The following FAM76B variants were observed in gnomAD, a reference collection of about 807,000 sequenced individuals.
FAM76B encodes protein FAM76B.
FAM76B carries 16 observed loss-of-function variants against 51.8 expected under a neutral mutation model. The ratio of observed to expected loss-of-function variants is 0.31; its 90% CI spans 0.21 to 0.47. The LOEUF (loss-of-function observed/expected upper bound fraction) is 0.47, where lower values mean the gene tolerates loss of function less well. Among genes scored for constraint, FAM76B ranks in the 20% least tolerant of loss-of-function variants. The pLI is 1.00. For missense variants in FAM76B, 342 were observed against 392.6 expected, an observed-to-expected ratio of 0.87 and a Z score of 1.09; for synonymous variants, 166 against 129.5, an observed-to-expected ratio of 1.28 and a Z score of -1.91.
Position 95,770,903 on chromosome 11 carries a change from C to T in FAM76B, c.*658G>A, listed in dbSNP as rs1859736193. 6.6e-6 allele frequency: 1 copy of T among 151,656 alleles called. No individual in the cohort carries two copies. Among genetic ancestry groups the T allele is most frequent in the Admixed American group, 6.6e-5 (1 of 15,144 alleles). 9.4% of individuals were successfully genotyped at this position (151,656 alleles called of 1,614,324 possible). On this transcript the variant is annotated 3_prime_UTR_variant, in exon 10 of 10. Transcript: ENST00000358780. The stretch of plus-strand genomic sequence containing the variant: ...AAAGGCACTTGTAAGTAAAAATCTA[C>T]AGTAGTTTTTACAAAACAGAAACAC...
rs1019069940 is a variant in FAM76B, at chr11:95,788,575, C to A, written c.88-12G>T. 6.2e-7 allele frequency: 1 copy of A among 1,606,536 alleles called. No individual in the cohort carries two copies. Among genetic ancestry groups the A allele is most frequent in the Non-Finnish European group, 8.5e-7 (1 of 1,174,914 alleles). ...GCAATCCGACATTCCTGTAATAAGA[C>A]AATACATTAGTCAGTATCTTTCTGA... On this transcript the variant is annotated splice_polypyrimidine_tract_variant and intron_variant, in intron 1 of 9. Transcript: ENST00000358780.
Position 95,770,772 on chromosome 11 carries a change from T to G in FAM76B, c.*789A>C, listed in dbSNP as rs927672317. 4 of 151,794 alleles carry G rather than the reference T, an allele frequency of 2.6e-5. No individual in the cohort carries two copies. Among genetic ancestry groups the G allele is most frequent in the African/African-American group, 9.7e-5 (4 of 41,368 alleles). The allele number at this position is 151,794 out of a possible 1,614,324, so 9.4% of individuals were successfully genotyped here. ...ACTTTGATTTCCTTTTGAAATAGGC[T>G]TCTGTACATATGCATTTATATACAA... On this transcript the variant is annotated 3_prime_UTR_variant, in exon 10 of 10. Coordinates refer to ENST00000358780, the MANE Select transcript of FAM76B (RefSeq NM_144664.5).
At chr11:95,783,402 T>A (rs1312791676) in intron 4 of FAM76B, 138 bp from the exon 5 acceptor site, 2 of 638,020 alleles carry the variant, frequency 3.1e-6, no homozygotes, top group East Asian at 5.6e-5. Flanking sequence ...ATTCACGGAT[T>A]TTCTGCAAAA....
In FAM76B at chr11:95,788,577, ATACAT is replaced by A; in HGVS notation, c.88-19_88-15del. The A allele has an allele frequency of 6.2e-7, 1 of 1,606,726 alleles. No individual in the cohort carries two copies. The highest frequency in any genetic ancestry group is 1.3e-5 in the African/African-American group (1 of 74,860). On this transcript the variant is annotated splice_polypyrimidine_tract_variant and intron_variant, in intron 1 of 9. Transcript: ENST00000358780. Reference sequence around the variant, plus strand: ...AATCCGACATTCCTGTAATAAGACAATACATTAGTCAGTATCTTTCTGAAAGTCCC... The same window carrying A: ...AATCCGACATTCCTGTAATAAGACAATAGTCAGTATCTTTCTGAAAGTCCC...
intron 9 of FAM76B, 41 bp downstream of exon 9, chr11:95,775,881 G>A: frequency 7.3e-7 from 1 of 1,362,036 alleles, no homozygotes; most frequent in Non-Finnish European, 1.0e-6. Flanking sequence ...CTCAAGTTTA[G>A]CCCTTCTTGC....
chr11:95,779,617 T>C lies in FAM76B; in HGVS notation c.682A>G (p.Asn228Asp). Residue 228 changes from asparagine (N) to aspartate (D), a missense_variant, in exon 7 of 10, where the codon AAT (asparagine) becomes GAT (aspartate). This residue lies in a region of FAM76B where 230 missense variants were observed against 257.4 expected (regional missense o/e 0.89). Coordinates refer to ENST00000358780, the MANE Select transcript of FAM76B (RefSeq NM_144664.5). The part of the protein sequence containing the change: ...KKPKLESKPS[N>D]GDSSSINQSA... Reference sequence around the variant, plus strand: ...AGAATTCATTTTTACCTATCTCCATTAGATGGCTTAGATTCCAATTTGGGC... The same window carrying C: ...AGAATTCATTTTTACCTATCTCCATCAGATGGCTTAGATTCCAATTTGGGC... 2 of 1,609,258 alleles carry C rather than the reference T, an allele frequency of 1.2e-6. No homozygotes were observed. Among genetic ancestry groups the C allele is most frequent in the Non-Finnish European group, 1.7e-6 (2 of 1,177,498 alleles).
chr11:95,787,881 T>C (rs1460768366), intron 2 of FAM76B, among the ~76,000 whole-genome samples: 2 of 152,248 alleles, frequency 1.3e-5, no homozygotes, highest in Non-Finnish European at 2.9e-5. Flanking sequence ...TTTTATTGCA[T>C]ATTACTTTTT....
At chr11:95,776,654 G>GA (rs964668000) in intron 8 of FAM76B, among the ~76,000 whole-genome samples, 31 of 151,140 alleles carry the variant, frequency 2.1e-4, no homozygotes, top group African/African-American at 7.2e-4. Context: ...ACAAATACAA[G>GA]AAAAAAATCA....
At position 95,770,209 on chromosome 11, in the gene FAM76B, C is replaced by T. The variant is rs1433456121; in HGVS notation, c.*1352G>A. On this transcript the variant is annotated 3_prime_UTR_variant, in exon 10 of 10. Coordinates refer to ENST00000358780, the MANE Select transcript of FAM76B (RefSeq NM_144664.5). ...GATAAATTCTATTTCAGGCTGAAAA[C>T]CGCTGGATCAGAATATAGTCAATAA... is the stretch of plus-strand genomic sequence containing the variant. 3 of 151,744 alleles carry T rather than the reference C, an allele frequency of 2.0e-5. No individual in the cohort carries two copies. The East Asian group carries it at 5.8e-4, about 29-fold the overall frequency. 9.4% of individuals were successfully genotyped at this position (151,744 alleles called of 1,614,324 possible).
chr11:95,784,280 C>T (rs867408445), intron 4 of FAM76B, among the ~76,000 whole-genome samples: 1 of 151,844 alleles, frequency 6.6e-6, no homozygotes, highest in Non-Finnish European at 1.5e-5. Context: ...CACATTAGGG[C>T]CTATCAGATG....
At chr11:95,780,021 TATA>T (rs953580764) in intron 5 of FAM76B, 95 bp from the exon 6 acceptor site, 4 of 1,167,484 alleles carry the variant, frequency 3.4e-6, no homozygotes, top group African/African-American at 3.2e-5. Context: ...ATTTTATGTT[TATA>T]ATATTTTCTT....
At chr11:95,779,761 C>A in intron 6 of FAM76B, 74 bp from the exon 7 acceptor site, 4 of 1,564,150 alleles carry the variant, frequency 2.6e-6, no homozygotes, top group Non-Finnish European at 3.5e-6. Flanking sequence ...ATTCATCTTC[C>A]CCTAAAATAT....
At chr11:95,783,338 C>T (rs1860377940) in intron 4 of FAM76B, 74 bp from the exon 5 acceptor site, 1 of 1,291,738 alleles carries the variant, frequency 7.7e-7, no homozygotes, top group East Asian at 2.3e-5. Context: ...AGATAAACCA[C>T]TCAACTTCCA....
At position 95,778,952 on chromosome 11, in the gene FAM76B, G is replaced by C. The variant is rs759928240; in HGVS notation, c.698C>G (p.Ser233Cys). 2 of 1,606,476 alleles carry C rather than the reference G, an allele frequency of 1.2e-6. No individual in the cohort carries two copies. Among genetic ancestry groups the C allele is most frequent in the Non-Finnish European group, 1.7e-6 (2 of 1,176,700 alleles). ...ESKPSNGDSS[S>C]INQSADSGGT... ...CCCACTATCTGCTGACTGATTTATA[G>C]AGCTACTAAAAAGAAAAAAGTAAAA... Residue 233 changes from serine to cysteine, a missense_variant, in exon 8 of 10, where the codon TCT (serine) becomes TGT (cysteine). Ser to Cys is a moderately radical substitution (Grantham distance 112). Transcript: ENST00000358780.
At chr11:95,788,950 G>C (rs1158525811) in intron 1 of FAM76B, 1 of 1,346,506 alleles carries the variant, frequency 7.4e-7, no homozygotes, top group Admixed American at 2.2e-5. Flanking sequence ...TCGCTTTCCT[G>C]GACAGGGAAG....
At position 95,770,076 on chromosome 11, in the gene FAM76B, C is replaced by G. The variant is rs1487588845; in HGVS notation, c.*1485G>C. ...AATTTAGTAACAGTTTTACATGAAGCAAATTTATCTTTGCCCATAAATTAT... is the reference window on the plus strand; with the variant it reads ...AATTTAGTAACAGTTTTACATGAAGGAAATTTATCTTTGCCCATAAATTAT... On this transcript the variant is annotated 3_prime_UTR_variant, in exon 10 of 10. Coordinates refer to ENST00000358780, the MANE Select transcript of FAM76B (RefSeq NM_144664.5). 6.6e-6 allele frequency: 1 copy of G among 151,450 alleles called. No homozygotes were observed. The highest frequency in any genetic ancestry group is 6.6e-5 in the Admixed American group (1 of 15,162). The allele number at this position is 151,450 out of a possible 1,614,324, so 9.4% of individuals were successfully genotyped here. A position where few individuals can be genotyped will look rare whatever the true frequency, so the allele number is the denominator to read the frequency against.
rs1860881835 is a variant in FAM76B at position 95,789,593 on chromosome 11, C to T, written c.-115G>A. On this transcript the variant is annotated 5_prime_UTR_variant, in exon 1 of 10. Coordinates refer to ENST00000358780, the MANE Select transcript of FAM76B (RefSeq NM_144664.5). ...CTCCTCCTCCTCCCCCTCCCCCTGCCTCGCGCCCACCAGGGCCTCGCCGCG... is the reference window on the plus strand; with the variant it reads ...CTCCTCCTCCTCCCCCTCCCCCTGCTTCGCGCCCACCAGGGCCTCGCCGCG... 1 of 883,354 alleles carries T rather than the reference C, an allele frequency of 1.1e-6. No homozygotes were observed. Among genetic ancestry groups the T allele is most frequent in the Non-Finnish European group, 1.7e-6 (1 of 599,498 alleles). The allele number at this position is 883,354 out of a possible 1,614,324, so 54.7% of individuals were successfully genotyped here. A position where few individuals can be genotyped will look rare whatever the true frequency, so the allele number is the denominator to read the frequency against.
intron 5 of FAM76B, among the ~76,000 whole-genome samples, chr11:95,780,890 T>G (rs971913224): frequency 6.6e-6 from 1 of 151,994 alleles, no homozygotes; most frequent in Admixed American, 6.6e-5. Flanking sequence ...ATATACATGT[T>G]TACTTGTGTC....
Position 95,770,134 on chromosome 11 carries a change from T to C in FAM76B, c.*1427A>G, listed in dbSNP as rs1255029154. On this transcript the variant is annotated 3_prime_UTR_variant, in exon 10 of 10. Coordinates refer to ENST00000358780, the MANE Select transcript of FAM76B (RefSeq NM_144664.5). ...AGCAACTCACTCTATACAGTGTATC[T>C]AGCAATACTTTAAAATCAAACTAAA... 3 of 151,522 alleles carry C rather than the reference T, an allele frequency of 2.0e-5. No individual in the cohort carries two copies. The highest frequency in any genetic ancestry group is 4.8e-5 in the African/African-American group (2 of 41,372). The allele number at this position is 151,522 out of a possible 1,614,324, so 9.4% of individuals were successfully genotyped here.
Sources: allele counts gnomAD v4.1 joint callset (sites outside exome capture counted in the v4.1 genomes callset), GRCh38; gene constraint gnomAD v4.1.1; regional missense constraint gnomAD v4.1.1; transcripts MANE v1.5; gene names NCBI Gene and HGNC (gene_info 2026-07-23, HGNC 2026-07-21).